EVC2: variants seen among roughly 807,000 people sequenced by gnomAD.
EVC2 encodes the protein limbin.
A neutral mutation model predicts 149.3 loss-of-function variants in EVC2; 148 were observed. That is an observed-to-expected ratio of 0.99 (90% CI 0.87 to 1.14). EVC2 has a LOEUF of 1.14. EVC2 is among the 50% of genes most tolerant of loss of function. The probability of loss-of-function intolerance (pLI) is 0.00; values close to 1 mark genes in which losing one functional copy is unlikely to be tolerated. For missense variants in EVC2, 1,854 were observed against 1,627.3 expected, an observed-to-expected ratio of 1.14 and a Z score of -2.40; for synonymous variants, 776 against 649.9, an observed-to-expected ratio of 1.19 and a Z score of -2.95.
In EVC2 at chr4:5,562,481, A is replaced by T; in HGVS notation, c.*367T>A. 2 of 1,086,126 alleles carry T rather than the reference A, an allele frequency of 1.8e-6. No individual in the cohort carries two copies. The highest frequency in any genetic ancestry group is 2.2e-6 in the Non-Finnish European group (2 of 891,074). The allele number at this position is 1,086,126 out of a possible 1,614,324, so 67.3% of individuals were successfully genotyped here. ...TATTTTTTAAAATTCCCTTTATAAA[A>T]ATAGAATATGTAACAAATACAAAAC... On this transcript the variant is annotated 3_prime_UTR_variant, in exon 22 of 22. Transcript: ENST00000344408. The surrounding 1 kb of genome is among the most constrained non-coding windows in gnomAD (Gnocchi z 4.3).
intron 5 of EVC2, among the ~76,000 whole-genome samples, chr4:5,687,347 G>A (rs1034408142): frequency 6.6e-6 from 1 of 152,200 alleles, no homozygotes; most frequent in Non-Finnish European, 1.5e-5. Context: ...CAGCCGGGCT[G>A]CGTCATACTG....
At chr4:5,695,210 A>T (rs4437197) in intron 2 of EVC2, among the ~76,000 whole-genome samples, 131,475 of 151,846 alleles carry the variant, frequency 0.87, 57,076 homozygotes, top group African/African-American at 0.92. Context: ...TAGCCTGGTG[A>T]GGTGGTGTGC....
At chr4:5,590,752 T>C (rs534366022) in intron 16 of EVC2, among the ~76,000 whole-genome samples, 1 of 152,278 alleles carries the variant, frequency 6.6e-6, no homozygotes, top group Admixed American at 6.5e-5. Flanking sequence ...CATTTTTTTG[T>C]ACATGAGACC....
Position 5,682,241 on chromosome 4 carries a change from A to C in EVC2, c.817-928T>G, listed in dbSNP as rs373726779. ...GGCGGTGGCTCACACCTGTAATCCC[A>C]GCACTTTGGAAGGCCAAGGCAAGTG... On this transcript the variant is annotated intron_variant, in intron 6 of 21. Coordinates refer to ENST00000344408, the MANE Select transcript of EVC2 (RefSeq NM_147127.5). Among the ~76,000 whole-genome samples, 33 of 152,320 alleles carry C rather than the reference A, an allele frequency of 2.2e-4. 1 individual carries two copies. In the East Asian group the frequency reaches 6.2e-3, roughly 28 times the overall value.
the EVC2 span, among the ~76,000 whole-genome samples, chr4:5,530,344 A>C: frequency 1.3e-5 from 2 of 152,172 alleles, no homozygotes; most frequent in Non-Finnish European, 2.9e-5. Flanking sequence ...GGATCCCATG[A>C]ACCTTTCCAC....
At chr4:5,672,268 A>G (rs1719695992) in intron 7 of EVC2, among the ~76,000 whole-genome samples, 1 of 152,230 alleles carries the variant, frequency 6.6e-6, no homozygotes, top group Non-Finnish European at 1.5e-5. Context: ...GGCCTGAACA[A>G]GGCCTGAAGC....
chr4:5,623,799 ACCCTCT>A (rs1715910663), intron 13 of EVC2, among the ~76,000 whole-genome samples: 3 of 152,050 alleles, frequency 2.0e-5, no homozygotes, highest in South Asian at 4.1e-4. Context: ...CAGGTATTTT[ACCCTCT>A]CTGCGCCTCC....
chr4:5,644,533 G>C (rs983204615), intron 9 of EVC2, among the ~76,000 whole-genome samples: 2 of 152,126 alleles, frequency 1.3e-5, no homozygotes, highest in Admixed American at 6.5e-5. Flanking sequence ...TCAATCTCTT[G>C]ACCTCATGAT....
chr4:5,655,347 T>C (rs1444279181), intron 9 of EVC2, among the ~76,000 whole-genome samples: 1 of 152,044 alleles, frequency 6.6e-6, no homozygotes, highest in Admixed American at 6.5e-5. Flanking sequence ...TCCAGAAAGG[T>C]AGAGGGACCT....
chr4:5,708,340 G>A lies in EVC2; in HGVS notation c.174C>T (p.Pro58=), dbSNP rs1317163956. The change falls in exon 1 of 22, where the codon CCC becomes CCT. Residue 58 remains proline, a synonymous_variant. Transcript: ENST00000344408. ...RDPQVAPRSG[P]GLRIPPGRSG... ...TCCGCCCCGGAGGGATCCTCAGGCCGGGCCCAGACCTAGGAGCCACCTGGG... is the reference window on the plus strand; with the variant it reads ...TCCGCCCCGGAGGGATCCTCAGGCCAGGCCCAGACCTAGGAGCCACCTGGG... The A allele has an allele frequency of 2.7e-6, 4 of 1,475,204 alleles. No homozygotes were observed. The highest frequency in any genetic ancestry group is 3.6e-6 in the Non-Finnish European group (4 of 1,118,942). 91.4% of individuals were successfully genotyped at this position (1,475,204 alleles called of 1,614,324 possible). A position where few individuals can be genotyped will look rare whatever the true frequency, so the allele number is the denominator to read the frequency against.
At position 5,615,499 on chromosome 4, in the gene EVC2, C is replaced by A; in HGVS notation, c.2752G>T (p.Gly918Ter). Residue 918 changes from glycine to a stop codon, truncating the protein, a stop_gained, in exon 16 of 22, where the codon GGA (glycine) becomes TGA (stop). Coordinates refer to ENST00000344408, the MANE Select transcript of EVC2 (RefSeq NM_147127.5). LOFTEE classifies it high-confidence loss of function. ...TCGATGCACTTCTTCAGAAGCTCTC[C>A]CTTGCTTTTACTCTTGGACCGTGAC... ...RKSRSKSKSK[G>*]ELLKKCIEDK... The A allele has an allele frequency of 6.2e-7, 1 of 1,614,216 alleles. No individual in the cohort carries two copies. Among genetic ancestry groups the A allele is most frequent in the Non-Finnish European group, 8.5e-7 (1 of 1,180,046 alleles).
chr4:5,688,765 C>G (rs1193588282), intron 5 of EVC2, among the ~76,000 whole-genome samples: 2 of 152,156 alleles, frequency 1.3e-5, no homozygotes, highest in Non-Finnish European at 2.9e-5. Flanking sequence ...CGGCACAACC[C>G]AAAACAAACT....
intron 21 of EVC2, among the ~76,000 whole-genome samples, chr4:5,544,335 T>C (rs1444712545): frequency 6.6e-6 from 1 of 152,224 alleles, no homozygotes; most frequent in East Asian, 1.9e-4. Flanking sequence ...AAGGAATTGA[T>C]TGGTCCCTGC....
At chr4:5,531,453 C>A in the EVC2 span, among the ~76,000 whole-genome samples, 5 of 152,300 alleles carry the variant, frequency 3.3e-5, no homozygotes, top group African/African-American at 1.2e-4. Flanking sequence ...GGAACTGGGC[C>A]ATACAACAGG....
chr4:5,565,869 C>T (rs370189458), intron 20 of EVC2, among the ~76,000 whole-genome samples: 1 of 152,176 alleles, frequency 6.6e-6, no homozygotes, highest in Non-Finnish European at 1.5e-5. Flanking sequence ...GGGGCCAAGT[C>T]TATGGGATCA....
At chr4:5,684,400 A>T (rs990084208) in intron 6 of EVC2, among the ~76,000 whole-genome samples, 1 of 152,166 alleles carries the variant, frequency 6.6e-6, no homozygotes, top group African/African-American at 2.4e-5. Flanking sequence ...GCAGGGTACA[A>T]TCTGATTCTG....
chr4:5,681,294 A>G lies in EVC2; in HGVS notation c.836T>C (p.Val279Ala), dbSNP rs377711797. The change falls in exon 7 of 22, where the codon GTG (valine) becomes GCG (alanine). Residue 279 changes from valine to alanine, a missense_variant. Val to Ala is a moderately conservative substitution (Grantham distance 64, BLOSUM62 0). Coordinates refer to ENST00000344408, the MANE Select transcript of EVC2 (RefSeq NM_147127.5). ...SSSRNRTQLK[V>A]LFSITAEENV... ...TTCTTCTGCTGTTATGGAAAAAAGC[A>G]CTTTCAGCTGTGTTCTGTTCTAGAA... 12 of 1,614,200 alleles carry G rather than the reference A, an allele frequency of 7.4e-6. No homozygotes were observed. The highest frequency in any genetic ancestry group is 1.3e-5 in the African/African-American group (1 of 75,050).
At chr4:5,591,011 C>G (rs1712746969) in intron 16 of EVC2, among the ~76,000 whole-genome samples, 1 of 152,020 alleles carries the variant, frequency 6.6e-6, no homozygotes. Context: ...GGGTAACTGC[C>G]CCCATGATTA....
upstream of EVC2, chr4:5,709,229 A>AG (rs1284297319): frequency 1.3e-5 from 2 of 152,206 alleles, no homozygotes; most frequent in Non-Finnish European, 2.9e-5. Flanking sequence ...GAACTCTCCG[A>AG]GGGGACAGGG....
Sources: gnomAD v4.1 joint callset for allele counts (sites outside exome capture counted in the v4.1 genomes callset) on GRCh38, gnomAD v4.1.1 for gene constraint, Gnocchi (gnomAD v3.1) non-coding constraint, MANE v1.5 for transcripts, NCBI Gene and HGNC (gene_info 2026-07-23, HGNC 2026-07-21) for gene names.